Variants in GOLGB1 observed in about 807,000 individuals in gnomAD.
The protein encoded by GOLGB1 is golgin subfamily B member 1.
Under a neutral mutation model 336.9 loss-of-function variants are expected in GOLGB1, and 174 were observed. The observed-to-expected ratio is 0.52, with a 90% confidence interval of 0.46 to 0.59. GOLGB1 has a LOEUF of 0.59. GOLGB1 is among the 20% of genes least tolerant of loss of function. The probability of loss-of-function intolerance (pLI) is 0.00; values close to 1 mark genes in which losing one functional copy is unlikely to be tolerated. For missense variants in GOLGB1, 3,331 were observed against 3,645.3 expected (o/e 0.91, Z 2.22); for synonymous variants, 1,208 against 1,289.2 (o/e 0.94, Z 1.35).
In GOLGB1 at chr3:121,697,144, T is replaced by C; in HGVS notation, c.3379A>G (p.Ile1127Val). ...QAEISENQAI[I>V]QKLITSNTDA... ...GTGTTACTTGTGATTAACTTCTGGA[T>C]AATTGCTTGGTTTTCACTGATTTCT... is the stretch of plus-strand genomic sequence containing the variant. Residue 1127 changes from isoleucine (I) to valine (V), a missense_variant, in exon 13 of 22, where the codon ATC becomes GTC. By Grantham distance (29) the Ile-to-Val change is conservative. Coordinates refer to ENST00000614479, the MANE Select transcript of GOLGB1 (RefSeq NM_001366282.2). 1.2e-6 allele frequency: 2 copies of C among 1,614,148 alleles called. No individual in the cohort carries two copies. The highest frequency in any genetic ancestry group is 1.7e-6 in the Non-Finnish European group (2 of 1,179,994).
chr3:121,711,089 G>T (rs1340912672), intron 10 of GOLGB1, among the ~76,000 whole-genome samples: 3 of 152,052 alleles, frequency 2.0e-5, no homozygotes, highest in Admixed American at 2.0e-4. Flanking sequence ...AACTACCTGG[G>T]AGGCTGAGGC....
At chr3:121,725,275 C>T (rs572556574) in intron 5 of GOLGB1, among the ~76,000 whole-genome samples, 11 of 152,266 alleles carry the variant, frequency 7.2e-5, no homozygotes, top group African/African-American at 2.6e-4. Flanking sequence ...TGGACTAAGC[C>T]CAGCAAAGCC....
rs769898454 is a variant in GOLGB1, at chr3:121,698,764, C to T, written c.1759G>A (p.Gly587Arg). 3.1e-6 allele frequency: 5 copies of T among 1,613,342 alleles called. No homozygotes were observed. In the African/African-American group the frequency reaches 6.7e-5, roughly 22 times the overall value. ...EIAFLKLQLQGKRAEEADHEV... is the reference protein window; with the variant it reads ...EIAFLKLQLQRKRAEEADHEV... ...TGATCTGCTTCCTCAGCCCTTTTTC[C>T]CTGGAGCTGTAATTTAAGAAATGCA... The change falls in exon 13 of 22, where the codon GGA (glycine) becomes AGA (arginine). Residue 587 changes from glycine (G) to arginine (R), a missense_variant. Coordinates refer to ENST00000614479, the MANE Select transcript of GOLGB1 (RefSeq NM_001366282.2).
rs1943166492 is a variant in GOLGB1 at position 121,698,865 on chromosome 3, A to G, written c.1658T>C (p.Leu553Pro). 2 of 1,608,196 alleles carry G rather than the reference A, an allele frequency of 1.2e-6. No homozygotes were observed. The highest frequency in any genetic ancestry group is 8.5e-7 in the Non-Finnish European group (1 of 1,175,398). Reference sequence around the variant, plus strand: ...ATGTTTCTGAGAAAATGTGTTTTCTAGAACATCTTGTCCACTTTCCTCAGC... The same window carrying G: ...ATGTTTCTGAGAAAATGTGTTTTCTGGAACATCTTGTCCACTTTCCTCAGC... ...SSAEESGQDV[L>P]ENTFSQKHKE... Residue 553 changes from leucine to proline, a missense_variant, in exon 13 of 22, where the codon CTA (leucine) becomes CCA (proline). Leu to Pro is a moderately conservative substitution (Grantham distance 98, BLOSUM62 -3). Transcript: ENST00000614479.
chr3:121,703,052 G>T (rs552396354), intron 10 of GOLGB1, among the ~76,000 whole-genome samples: 1 of 152,136 alleles, frequency 6.6e-6, no homozygotes, highest in Non-Finnish European at 1.5e-5. Context: ...TTATAAAATT[G>T]TTTTTTGTTT....
chr3:121,688,642 C>T (rs1345509606), intron 14 of GOLGB1, among the ~76,000 whole-genome samples: 3 of 151,476 alleles, frequency 2.0e-5, no homozygotes, highest in East Asian at 2.0e-4. Context: ...TCTGCCTGGC[C>T]GCCCATCGTC....
At chr3:121,669,463 C>A in intron 17 of GOLGB1, 108 bp from the exon 18 acceptor site, 1 of 767,562 alleles carries the variant, frequency 1.3e-6, no homozygotes. Context: ...ACCTTTGTTT[C>A]AGCAACAGCA....
At chr3:121,683,857 C>T (rs574896136) in intron 14 of GOLGB1, among the ~76,000 whole-genome samples, 8 of 152,142 alleles carry the variant, frequency 5.3e-5, no homozygotes, top group South Asian at 2.1e-4. Flanking sequence ...CGGCCGGGGA[C>T]GGTGGCTCAT....
chr3:121,688,939 C>A (rs1942094706), intron 14 of GOLGB1, among the ~76,000 whole-genome samples: 1 of 150,704 alleles, frequency 6.6e-6, no homozygotes, highest in Non-Finnish European at 1.5e-5. Context: ...GTGAGGAGCC[C>A]CTTGGCCTGG....
At chr3:121,747,443 G>A (rs1947447507) in intron 1 of GOLGB1, among the ~76,000 whole-genome samples, 1 of 139,168 alleles carries the variant, frequency 7.2e-6, no homozygotes, top group Non-Finnish European at 1.5e-5. Context: ...ACACATGGAT[G>A]TTATATAACA....
intron 1 of GOLGB1, among the ~76,000 whole-genome samples, chr3:121,747,288 T>C (rs1044339024): frequency 1.6e-4 from 18 of 110,246 alleles, no homozygotes; most frequent in African/African-American, 7.0e-4. Context: ...TATATATGTA[T>C]ATATATGTGT....
At chr3:121,717,668 A>C (rs901066731) in intron 8 of GOLGB1, among the ~76,000 whole-genome samples, 5 of 152,336 alleles carry the variant, frequency 3.3e-5, no homozygotes, top group African/African-American at 1.2e-4. Flanking sequence ...TTTCAATCTA[A>C]CAGAAGGTCA....
chr3:121,669,598 T>C (rs1477722668), intron 17 of GOLGB1, among the ~76,000 whole-genome samples: 1 of 152,210 alleles, frequency 6.6e-6, no homozygotes, highest in African/African-American at 2.4e-5. Flanking sequence ...TTTTTTTAAA[T>C]GGTGCCCAGT....
In GOLGB1 at chr3:121,689,422, T is replaced by C. The variant is rs567493749; in HGVS notation, c.8694+1248A>G. ...TAAATGGATTAAGGGCGGTGCAAGA[T>C]GTGCTTTGTTAAACAGATGCTTGAA... On this transcript the variant is annotated intron_variant, in intron 14 of 21. Transcript: ENST00000614479. Among the ~76,000 whole-genome samples, 337 of 151,824 alleles carry C rather than the reference T, an allele frequency of 2.2e-3. 3 individuals carry two copies. The highest frequency in any genetic ancestry group is 7.9e-3 in the African/African-American group (325 of 41,372).
intron 1 of GOLGB1, among the ~76,000 whole-genome samples, chr3:121,747,359 G>A (rs538623462): frequency 2.3e-5 from 3 of 132,826 alleles, no homozygotes; most frequent in East Asian, 2.1e-4. Flanking sequence ...GTGTATATAC[G>A]TATATATACG....
At chr3:121,733,972 G>A (rs763265164) in intron 1 of GOLGB1, among the ~76,000 whole-genome samples, 2 of 152,070 alleles carry the variant, frequency 1.3e-5, no homozygotes, top group Non-Finnish European at 1.5e-5. Context: ...TTTTTGTGAC[G>A]CTGAATTTGG....
chr3:121,695,394 G>A lies in GOLGB1; in HGVS notation c.5129C>T (p.Pro1710Leu). The change falls in exon 13 of 22, where the codon CCT (proline) becomes CTT (leucine). Residue 1710 changes from proline (P) to leucine (L), a missense_variant. By Grantham distance (98) the Pro-to-Leu change is moderately conservative. Coordinates refer to ENST00000614479, the MANE Select transcript of GOLGB1 (RefSeq NM_001366282.2). Reference protein sequence around the residue: ...ENDRLRAEVHPAGDTAKECME... With the variant: ...ENDRLRAEVHLAGDTAKECME... Reference sequence around the variant, plus strand: ...ACACTCTTTAGCTGTATCTCCTGCAGGGTGCACCTCTGCCCTAAGCCGGTC... The same window carrying A: ...ACACTCTTTAGCTGTATCTCCTGCAAGGTGCACCTCTGCCCTAAGCCGGTC... The A allele has an allele frequency of 1.2e-6, 2 of 1,613,850 alleles. No individual in the cohort carries two copies. The highest frequency in any genetic ancestry group is 1.7e-6 in the Non-Finnish European group (2 of 1,179,864).
At chr3:121,721,337 G>A (rs1266097426) in intron 6 of GOLGB1, among the ~76,000 whole-genome samples, 3 of 151,758 alleles carry the variant, frequency 2.0e-5, no homozygotes, top group Admixed American at 2.0e-4. Context: ...CCCCACCGCT[G>A]CCCCCACCCC....
intron 17 of GOLGB1, among the ~76,000 whole-genome samples, chr3:121,673,162 C>G (rs138528842): frequency 2.6e-5 from 4 of 151,934 alleles, no homozygotes; most frequent in Non-Finnish European, 5.9e-5. Context: ...TTCCACCTCC[C>G]GGGTTCAAGC....
Sources: allele counts gnomAD v4.1 joint callset (sites outside exome capture counted in the v4.1 genomes callset), GRCh38; gene constraint gnomAD v4.1.1; transcripts MANE v1.5; gene names NCBI Gene and HGNC (gene_info 2026-07-23, HGNC 2026-07-21).